GSG1L: variants seen among roughly 807,000 people sequenced by gnomAD.
GSG1L encodes germ cell-specific gene 1-like protein.
A neutral mutation model predicts 42.1 loss-of-function variants in GSG1L; 24 were observed. The observed-to-expected ratio is 0.57, with a 90% CI of 0.41 to 0.80. The LOEUF is 0.80. Ranked by LOEUF, GSG1L falls within the 30% of genes least tolerant of loss-of-function variation. GSG1L has a pLI of 0.00. For missense variants in GSG1L, 445 were observed against 472.2 expected (o/e 0.94, Z 0.53); for synonymous variants, 215 against 203.5 (o/e 1.06, Z -0.48).
intron 3 of GSG1L, among the ~76,000 whole-genome samples, chr16:27,868,011 T>C (rs2083753828): frequency 6.6e-6 from 1 of 152,234 alleles, no homozygotes; most frequent in African/African-American, 2.4e-5. Flanking sequence ...TCCTCCAGCG[T>C]AGGTTTTATT....
chr16:27,862,107 G>A (rs1385983297), intron 3 of GSG1L, among the ~76,000 whole-genome samples: 2 of 152,228 alleles, frequency 1.3e-5, no homozygotes, highest in African/African-American at 4.8e-5. Context: ...CCATGCCCTA[G>A]TGTAATTCTT....
intron 3 of GSG1L, among the ~76,000 whole-genome samples, chr16:27,866,300 C>T (rs998012424): frequency 3.9e-5 from 6 of 152,206 alleles, no homozygotes; most frequent in African/African-American, 1.4e-4. Context: ...CTCAGTGCTG[C>T]CACAATATTA....
chr16:28,015,689 G>A (rs1272118256), intron 1 of GSG1L, among the ~76,000 whole-genome samples: 1 of 152,192 alleles, frequency 6.6e-6, no homozygotes, highest in Non-Finnish European at 1.5e-5. Context: ...TGAGGAAAGT[G>A]TGTCCATACA....
intron 1 of GSG1L, among the ~76,000 whole-genome samples, chr16:27,994,084 TTTG>T (rs1338283086): frequency 2.0e-5 from 3 of 152,136 alleles, no homozygotes; most frequent in Non-Finnish European, 4.4e-5. Flanking sequence ...AACCTCATCC[TTTG>T]TGTCCATGCT....
intron 5 of GSG1L, among the ~76,000 whole-genome samples, chr16:27,812,668 T>C (rs2083046017): frequency 6.6e-6 from 1 of 152,118 alleles, no homozygotes; most frequent in South Asian, 2.1e-4. Flanking sequence ...AAACCACTGG[T>C]GCAGGGACCA....
intron 2 of GSG1L, among the ~76,000 whole-genome samples, chr16:27,906,424 G>A (rs2084321916): frequency 6.6e-6 from 1 of 152,098 alleles, no homozygotes; most frequent in South Asian, 2.1e-4. Context: ...GACTAGTCCT[G>A]GCCACCAGGC....
intron 2 of GSG1L, among the ~76,000 whole-genome samples, chr16:27,895,193 A>G (rs2084176622): frequency 6.6e-6 from 1 of 152,160 alleles, no homozygotes. Flanking sequence ...ACATTTAAAA[A>G]TAGGAGGCTT....
At chr16:27,859,104 G>A (rs1191554467) in intron 3 of GSG1L, among the ~76,000 whole-genome samples, 1 of 152,160 alleles carries the variant, frequency 6.6e-6, no homozygotes, top group African/African-American at 2.4e-5. Flanking sequence ...GAGGAGCCAC[G>A]AGACGGTCTT....
At chr16:27,881,073 G>A (rs1260488364) in intron 3 of GSG1L, among the ~76,000 whole-genome samples, 1 of 151,964 alleles carries the variant, frequency 6.6e-6, no homozygotes, top group African/African-American at 2.4e-5. Flanking sequence ...CCCCTTCTCA[G>A]AATAATGTTT....
rs553493083 is a variant in GSG1L, at chr16:27,812,959, T to C, written c.831-5405A>G. On this transcript the variant is annotated intron_variant, in intron 5 of 6. Coordinates refer to ENST00000447459, the MANE Select transcript of GSG1L (RefSeq NM_001109763.2). ...CACACCCGGCTACTTTTTGTAGTTT[T>C]AGTAGAGACGGGGTTTCACCATGCT... Among the ~76,000 whole-genome samples, 13 of 152,192 alleles carry C rather than the reference T, an allele frequency of 8.5e-5. No homozygotes were observed. The South Asian group carries it at 2.3e-3, about 27-fold the overall frequency.
At chr16:27,976,303 A>C (rs2141119934) in intron 1 of GSG1L, among the ~76,000 whole-genome samples, 1 of 152,276 alleles carries the variant, frequency 6.6e-6, no homozygotes, top group Middle Eastern at 3.4e-3. Context: ...TGCCCAGACA[A>C]TGTCTCTGCA....
chr16:27,813,707 G>A (rs1454339583), intron 5 of GSG1L, among the ~76,000 whole-genome samples: 1 of 152,202 alleles, frequency 6.6e-6, no homozygotes, highest in Non-Finnish European at 1.5e-5. Flanking sequence ...CCGCCCTCTG[G>A]GCCTGACTAG....
Position 27,895,076 on chromosome 16 carries a change from G to A in GSG1L, c.398-10438C>T, listed in dbSNP as rs58547700. 5.4e-3 allele frequency among the ~76,000 whole-genome samples: 823 copies of A among 152,202 alleles called. 12 individuals are homozygous for A. Among genetic ancestry groups the A allele is most frequent in the African/African-American group, 0.019 (775 of 41,522 alleles). On this transcript the variant is annotated intron_variant, in intron 2 of 6. Transcript: ENST00000447459. ...GCTGTGAGCCTCAGTTTCCCTCTCC[G>A]CAGAGTGAGTAGATTCTCAAACAAG... is the stretch of plus-strand genomic sequence containing the variant.
intron 1 of GSG1L, among the ~76,000 whole-genome samples, chr16:27,997,476 T>C (rs1012275815): frequency 1.3e-5 from 2 of 151,658 alleles, no homozygotes; most frequent in Admixed American, 6.6e-5. Context: ...CCCACCATCA[T>C]GGTTCTCCAC....
intron 1 of GSG1L, 88 bp from the exon 2 acceptor site, chr16:27,963,291 C>T: frequency 1.8e-6 from 2 of 1,124,916 alleles, no homozygotes; most frequent in Non-Finnish European, 2.7e-6. Flanking sequence ...AGCCCTGGAG[C>T]AAGCCAGTGT....
rs565888880 is a variant in GSG1L, at chr16:27,804,068, T to C, written c.898+3419A>G. 1.8e-4 allele frequency among the ~76,000 whole-genome samples: 28 copies of C among 151,462 alleles called. No homozygotes were observed. The East Asian group carries it at 4.7e-3, about 25-fold the overall frequency. On this transcript the variant is annotated intron_variant, in intron 6 of 6. Transcript: ENST00000447459. ...ATAGATAGATAGATAGATAGATAGA[T>C]AGATAGATAGATAAAGAAATAGGGA...
chr16:27,865,830 T>A (rs2083717828), intron 3 of GSG1L, among the ~76,000 whole-genome samples: 1 of 151,740 alleles, frequency 6.6e-6, no homozygotes, highest in Non-Finnish European at 1.5e-5. Context: ...CCTGAGCAGC[T>A]ATGACCACAG....
intron 3 of GSG1L, among the ~76,000 whole-genome samples, chr16:27,861,170 C>A (rs1283416063): frequency 6.6e-6 from 1 of 152,088 alleles, no homozygotes; most frequent in African/African-American, 2.4e-5. Context: ...GAGTTCGAGA[C>A]CAGCCTGGCC....
At chr16:27,938,327 G>A (rs1166901935) in intron 2 of GSG1L, among the ~76,000 whole-genome samples, 1 of 151,172 alleles carries the variant, frequency 6.6e-6, no homozygotes, top group African/African-American at 2.4e-5. Context: ...AGGTTGGGTT[G>A]CAGTGAGCCG....
Sources: gnomAD v4.1 joint callset for allele counts (sites outside exome capture counted in the v4.1 genomes callset) on GRCh38, gnomAD v4.1.1 for gene constraint, MANE v1.5 for transcripts, NCBI Gene and HGNC (gene_info 2026-07-23, HGNC 2026-07-21) for gene names.